ATM: variants seen among roughly 807,000 people sequenced by gnomAD.
ATM encodes the protein ATM serine/threonine kinase, also known as serine-protein kinase ATM.
Under a neutral mutation model 387.0 loss-of-function variants are expected in ATM, and 308 were observed. That is an observed-to-expected ratio of 0.80 (90% CI 0.73 to 0.87). The LOEUF is 0.87. Among genes scored for constraint, ATM ranks in the 40% least tolerant of loss-of-function variants. The probability of loss-of-function intolerance (pLI) is 0.00; values close to 1 mark genes in which losing one functional copy is unlikely to be tolerated. For synonymous variants in ATM, 1,156 were observed against 1,187.3 expected, an observed-to-expected ratio of 0.97 and a Z score of 0.54; for missense variants, 3,312 against 3,560.9, an observed-to-expected ratio of 0.93 and a Z score of 1.78.
At chr11:108,239,479 A>G (rs2079454895) in intron 5 of ATM, among the ~76,000 whole-genome samples, 2 of 152,134 alleles carry the variant, frequency 1.3e-5, no homozygotes, top group Non-Finnish European at 2.9e-5. Flanking sequence ...TCAGAATTTC[A>G]CCCTTATTAA....
chr11:108,228,792 G>C lies in ATM; in HGVS notation c.186-386G>C, dbSNP rs4987906. Among the ~76,000 whole-genome samples, 20 of 152,280 alleles carry C rather than the reference G, an allele frequency of 1.3e-4. No homozygotes were observed. In the East Asian group the frequency reaches 3.9e-3, roughly 29 times the overall value. On this transcript the variant is annotated intron_variant, in intron 3 of 62. Transcript: ENST00000675843. Reference sequence around the variant, plus strand: ...CCTGGCTAGTTATGAATATCTTCTAGGCAGGCTTAATTTATTGGCTGGCAA... The same window carrying C: ...CCTGGCTAGTTATGAATATCTTCTACGCAGGCTTAATTTATTGGCTGGCAA...
At chr11:108,292,243 C>T (rs926674283) in intron 29 of ATM, among the ~76,000 whole-genome samples, 1 of 152,176 alleles carries the variant, frequency 6.6e-6, no homozygotes, top group Admixed American at 6.5e-5. Flanking sequence ...TGATTGTTGC[C>T]ACGCTGGGGT....
intron 59 of ATM, among the ~76,000 whole-genome samples, chr11:108,347,958 G>T (rs910222244): frequency 6.6e-6 from 1 of 152,294 alleles, no homozygotes; most frequent in African/African-American, 2.4e-5. Context: ...AAATGATGAA[G>T]ATTTATACTA....
intron 28 of ATM, 38 bp downstream of exon 28, chr11:108,289,141 T>C (rs2082651121): frequency 1.3e-6 from 2 of 1,572,246 alleles, no homozygotes; most frequent in South Asian, 2.3e-5. Context: ...AGAACATTCC[T>C]TCTTTTTTAG....
rs746829748 is a variant in ATM at position 108,280,997 on chromosome 11, C to T, written c.3405C>T (p.Ser1135=). 1.9e-6 allele frequency: 3 copies of T among 1,607,214 alleles called. No homozygotes were observed. Among genetic ancestry groups the T allele is most frequent in the East Asian group, 2.2e-5 (1 of 44,762 alleles). The change falls in exon 24 of 63, where the codon TCC becomes TCT. Residue 1135 remains serine (S), a splice_region_variant and synonymous_variant. Transcript: ENST00000675843. The part of the protein sequence containing the change: ...LKAQEGMREM[S]HSAENPETLD... ...TTTTTTTTTAATTTCTTTTTAAGTCCCATAGTGCTGAGAACCCTGAAACTT... is the reference window on the plus strand; with the variant it reads ...TTTTTTTTTAATTTCTTTTTAAGTCTCATAGTGCTGAGAACCCTGAAACTT...
At chr11:108,333,003 A>G (rs890962335) in intron 53 of ATM, 103 bp downstream of exon 53, 6 of 1,402,652 alleles carry the variant, frequency 4.3e-6, no homozygotes, top group South Asian at 1.2e-5. Flanking sequence ...TAAAATCACA[A>G]ACGTAATCCA....
rs144761622 is a variant in ATM at position 108,316,091 on chromosome 11, C to T, written c.6176C>T (p.Thr2059Ile). The change falls in exon 42 of 63, where the codon ACA (threonine) becomes ATA (isoleucine). Residue 2059 changes from threonine to isoleucine, a missense_variant. Thr to Ile is a moderately conservative substitution (Grantham distance 89). Coordinates refer to ENST00000675843, the MANE Select transcript of ATM (RefSeq NM_000051.4). ...YDLETAIPSS[T>I]RQAGIIQALQ... ...CTCGAAACAGCAATCCCCTCATCAACACGCCAGGCAGGAATCATTCAGGTA... is the reference window on the plus strand; with the variant it reads ...CTCGAAACAGCAATCCCCTCATCAATACGCCAGGCAGGAATCATTCAGGTA... 338 of 1,614,122 alleles carry T rather than the reference C, an allele frequency of 2.1e-4. 1 individual carries two copies. In the African/African-American group the frequency reaches 4.2e-3, roughly 20 times the overall value.
Position 108,267,163 on chromosome 11 carries a change from C to T in ATM, c.2467-8C>T, listed in dbSNP as rs1425701157. 1.9e-6 allele frequency: 3 copies of T among 1,613,524 alleles called. No homozygotes were observed. The highest frequency in any genetic ancestry group is 1.3e-5 in the African/African-American group (1 of 74,976). ...CATCTTGAACATCTTTGTTTCTCTT[C>T]CTTGAAGGCATCCTTCATCAAAAAG... On this transcript the variant is annotated splice_region_variant and splice_polypyrimidine_tract_variant and intron_variant, in intron 16 of 62. Transcript: ENST00000675843.
intron 34 of ATM, among the ~76,000 whole-genome samples, chr11:108,300,589 A>C (rs1243915563): frequency 6.6e-6 from 1 of 152,170 alleles, no homozygotes; most frequent in South Asian, 2.1e-4. Context: ...CCTTCTCTTG[A>C]GGAATAAATG....
At chr11:108,237,255 C>T (rs893106409) in intron 5 of ATM, among the ~76,000 whole-genome samples, 7 of 152,204 alleles carry the variant, frequency 4.6e-5, no homozygotes, top group Admixed American at 3.3e-4. Flanking sequence ...AGCCTAGAGA[C>T]AGCCTTTGGG....
At chr11:108,268,315 C>A in intron 17 of ATM, 95 bp from the exon 18 acceptor site, 1 of 1,200,786 alleles carries the variant, frequency 8.3e-7, no homozygotes, top group Non-Finnish European at 1.2e-6. Context: ...TTTTCATATA[C>A]TTTTTTTTGT....
chr11:108,266,740 C>T lies in ATM; in HGVS notation c.2467-431C>T, dbSNP rs564277129. ...TGTTGGACATTTAGTAGAAAAAGTA[C>T]TGTAGTTTTCATACTTACACATGAA... is the stretch of plus-strand genomic sequence containing the variant. On this transcript the variant is annotated intron_variant, in intron 16 of 62. Transcript: ENST00000675843. 1.8e-3 allele frequency among the ~76,000 whole-genome samples: 270 copies of T among 150,922 alleles called. 2 individuals carry two copies. The highest frequency in any genetic ancestry group is 6.3e-3 in the African/African-American group (260 of 41,090).
rs1555123227 is a variant in ATM, at chr11:108,330,370, T to G, written c.7464T>G (p.Cys2488Trp). ...ATGATATGTGGGTATTCCGACTTTG[T>G]TCCCTCTGGCTTGAAAATTCTGGAG... is the stretch of plus-strand genomic sequence containing the variant. ...EEHDMWVFRL[C>W]SLWLENSGVS... The change falls in exon 50 of 63, where the codon TGT (cysteine) becomes TGG (tryptophan). Residue 2488 changes from cysteine (C) to tryptophan (W), a missense_variant. Physicochemically the swap from Cys to Trp is radical, Grantham distance 215. This residue lies in a region of ATM where 1,405 missense variants were observed against 1,604.4 expected (regional missense o/e 0.88). Transcript: ENST00000675843. The G allele has an allele frequency of 6.2e-7, 1 of 1,614,178 alleles. No individual in the cohort carries two copies. Among genetic ancestry groups the G allele is most frequent in the Non-Finnish European group, 8.5e-7 (1 of 1,180,012 alleles).
chr11:108,312,186 G>A (rs920155054), intron 39 of ATM, among the ~76,000 whole-genome samples: 2 of 152,088 alleles, frequency 1.3e-5, no homozygotes, highest in Non-Finnish European at 2.9e-5. Flanking sequence ...TCATATTTTT[G>A]CATATAGGCT....
intron 31 of ATM, 134 bp downstream of exon 31, chr11:108,293,611 C>A: frequency 1.3e-6 from 1 of 793,024 alleles, no homozygotes; most frequent in African/African-American, 1.7e-5. Flanking sequence ...GTAGGCCAGG[C>A]ACATTGGCTC....
chr11:108,281,104 A>G lies in ATM; in HGVS notation c.3512A>G (p.Gln1171Arg), dbSNP rs1555091325. The G allele has an allele frequency of 6.2e-7, 1 of 1,614,034 alleles. No homozygotes were observed. Among genetic ancestry groups the G allele is most frequent in the Admixed American group, 1.7e-5 (1 of 60,016 alleles). The stretch of plus-strand genomic sequence containing the variant: ...TCCTGTAGCCCTATCTGCGAAAAAC[A>G]GGCTTTGTTTGCCCTGTGTAAATCT... ...VLSCSPICEK[Q>R]ALFALCKSVK... Residue 1171 changes from glutamine (Q) to arginine (R), a missense_variant, in exon 24 of 63, where the codon CAG becomes CGG. By Grantham distance (43) the Gln-to-Arg change is conservative. This residue lies in a region of ATM where 1,791 missense variants were observed against 1,804.5 expected (regional missense o/e 0.99). Coordinates refer to ENST00000675843, the MANE Select transcript of ATM (RefSeq NM_000051.4).
intron 61 of ATM, among the ~76,000 whole-genome samples, chr11:108,360,270 C>G (rs531865133): frequency 9.4e-6 from 1 of 106,476 alleles, no homozygotes; most frequent in Non-Finnish European, 2.2e-5. Flanking sequence ...TCTGAATAGA[C>G]CAGTAACAGG....
At chr11:108,290,972 A>G (rs1230246740) in intron 29 of ATM, among the ~76,000 whole-genome samples, 1 of 151,900 alleles carries the variant, frequency 6.6e-6, no homozygotes, top group Non-Finnish European at 1.5e-5. Context: ...GTAGTGGCTC[A>G]CGCCTGTAAT....
chr11:108,238,750 G>A (rs923553964), intron 5 of ATM, among the ~76,000 whole-genome samples: 1 of 151,972 alleles, frequency 6.6e-6, no homozygotes, highest in Non-Finnish European at 1.5e-5. Context: ...TCTGAGCCAT[G>A]TGGCTTTTAT....
Sources: allele counts gnomAD v4.1 joint callset (sites outside exome capture counted in the v4.1 genomes callset), GRCh38; gene constraint gnomAD v4.1.1; regional missense constraint gnomAD v4.1.1; transcripts MANE v1.5; gene names NCBI Gene and HGNC (gene_info 2026-07-23, HGNC 2026-07-21).